Variants in ZFAND3 observed in about 807,000 individuals in gnomAD.
ZFAND3 encodes zinc finger AN1-type containing 3, also known as AN1-type zinc finger protein 3.
ZFAND3 carries 10 observed loss-of-function variants against 29.6 expected under a neutral mutation model. The ratio of observed to expected loss-of-function variants is 0.34; its 90% CI spans 0.21 to 0.57. The LOEUF is 0.57. ZFAND3 is among the 20% of genes least tolerant of loss of function. ZFAND3 has a pLI of 0.86. For missense variants in ZFAND3, 230 were observed against 304.5 expected (o/e 0.76, Z 1.82); for synonymous variants, 128 against 112.6 (o/e 1.14, Z -0.87).
Position 37,959,844 on chromosome 6 carries a change from C to T in ZFAND3, c.112+29845C>T, listed in dbSNP as rs543981112. ...TTAAACTGCTTTCTTCTTGAGAACA[C>T]TTATCACCTAACCTGGGCCCATGAA... On this transcript the variant is annotated intron_variant, in intron 2 of 5. Coordinates refer to ENST00000287218, the MANE Select transcript of ZFAND3 (RefSeq NM_021943.3). Among the ~76,000 whole-genome samples the T allele has an allele frequency of 4.6e-5, 7 of 152,318 alleles. No homozygotes were observed. The South Asian group carries it at 1.4e-3, about 32-fold the overall frequency.
At chr6:38,070,426 A>AG (rs55807305) in intron 3 of ZFAND3, among the ~76,000 whole-genome samples, 55,140 of 151,004 alleles carry the variant, frequency 0.37, 10,729 homozygotes, top group East Asian at 0.57. Context: ...AAAAAAAAAA[A>AG]AAAGATTTTA....
chr6:38,151,133 G>A (rs1001280588), intron 5 of ZFAND3, among the ~76,000 whole-genome samples: 13 of 152,196 alleles, frequency 8.5e-5, no homozygotes, highest in Non-Finnish European at 1.9e-4. Flanking sequence ...GAAGCTGGAG[G>A]GAATGGGAGA....
At chr6:38,041,517 A>G (rs1362489781) in intron 2 of ZFAND3, among the ~76,000 whole-genome samples, 16 of 151,340 alleles carry the variant, frequency 1.1e-4, no homozygotes, top group Admixed American at 1.1e-3. Context: ...ATCCATTACT[A>G]ATTTCTATTG....
intron 2 of ZFAND3, among the ~76,000 whole-genome samples, chr6:37,993,655 T>C (rs1301153712): frequency 6.6e-6 from 1 of 152,160 alleles, no homozygotes; most frequent in Non-Finnish European, 1.5e-5. Context: ...ACTGTTTTTC[T>C]CCAAATTATT....
intron 1 of ZFAND3, chr6:37,915,603 C>A (rs1761233035): frequency 6.6e-6 from 1 of 152,170 alleles, no homozygotes; most frequent in Non-Finnish European, 1.5e-5. Flanking sequence ...TCAGAACACA[C>A]ATAACATTTA....
chr6:37,935,804 A>G (rs1029066507), intron 2 of ZFAND3, among the ~76,000 whole-genome samples: 4 of 152,150 alleles, frequency 2.6e-5, no homozygotes, highest in African/African-American at 4.8e-5. Context: ...TCTTCAGGCA[A>G]GAGGTTAATA....
chr6:37,899,350 C>A (rs1765277285), intron 1 of ZFAND3, among the ~76,000 whole-genome samples: 1 of 152,144 alleles, frequency 6.6e-6, no homozygotes, highest in South Asian at 2.1e-4. Flanking sequence ...TACCTTCTTA[C>A]TTTTTTCCTG....
chr6:37,844,457 A>G (rs570888752), intron 1 of ZFAND3, among the ~76,000 whole-genome samples: 2 of 149,892 alleles, frequency 1.3e-5, no homozygotes, highest in Admixed American at 6.6e-5. Flanking sequence ...AATTTTTTGT[A>G]TTCTTAGTAG....
At chr6:38,041,631 T>TTTCTTCTTCTTC (rs1193585476) in intron 2 of ZFAND3, among the ~76,000 whole-genome samples, 30 of 56,248 alleles carry the variant, frequency 5.3e-4, no homozygotes, top group Non-Finnish European at 7.4e-4. Context: ...TTATCTACTT[T>TTTCTTCTTCTTC]TTCTTCTTCT....
chr6:38,114,834 A>G (rs9470782), intron 4 of ZFAND3, among the ~76,000 whole-genome samples: 18,039 of 152,256 alleles, frequency 0.12, 1,324 homozygotes, highest in East Asian at 0.29. Context: ...TCATTCATTC[A>G]AAAAATATTT....
intron 2 of ZFAND3, among the ~76,000 whole-genome samples, chr6:37,944,659 C>T (rs575081616): frequency 2.6e-5 from 4 of 152,302 alleles, no homozygotes; most frequent in African/African-American, 9.6e-5. Flanking sequence ...AAAGGTGCTT[C>T]ATATAACTTG....
intron 5 of ZFAND3, among the ~76,000 whole-genome samples, chr6:38,127,770 T>TA (rs2127489900): frequency 6.6e-6 from 1 of 152,196 alleles, no homozygotes; most frequent in African/African-American, 2.4e-5. Context: ...ACCTGTGTGC[T>TA]AAATAGTGGT....
chr6:38,094,075 A>T (rs1321799435), intron 4 of ZFAND3, among the ~76,000 whole-genome samples: 1 of 152,204 alleles, frequency 6.6e-6, no homozygotes, highest in African/African-American at 2.4e-5. Flanking sequence ...AAATGAGTAG[A>T]TAGTTAGCTG....
At chr6:37,860,499 C>A (rs140226000) in intron 1 of ZFAND3, among the ~76,000 whole-genome samples, 188 of 152,238 alleles carry the variant, frequency 1.2e-3, no homozygotes, top group Middle Eastern at 3.4e-3. Flanking sequence ...CTGAGAATAT[C>A]TGTCAAATTT....
chr6:38,125,122 G>A (rs921218730), intron 5 of ZFAND3, among the ~76,000 whole-genome samples: 7 of 152,270 alleles, frequency 4.6e-5, no homozygotes, highest in Non-Finnish European at 7.4e-5. Flanking sequence ...GAAATCTTGA[G>A]GCAAATTCTG....
At chr6:37,871,184 C>T (rs945458402) in intron 1 of ZFAND3, among the ~76,000 whole-genome samples, 1 of 152,134 alleles carries the variant, frequency 6.6e-6, no homozygotes, top group African/African-American at 2.4e-5. Flanking sequence ...TTTTTTCCCT[C>T]TGTGTTGTTC....
At chr6:38,014,334 T>TATTA (rs560480123) in intron 2 of ZFAND3, among the ~76,000 whole-genome samples, 1 of 148,412 alleles carries the variant, frequency 6.7e-6, no homozygotes, top group Non-Finnish European at 1.5e-5. Flanking sequence ...ATTATTATTT[T>TATTA]TTTTTTTTTG....
chr6:37,888,941 G>T (rs1054740876), intron 1 of ZFAND3, among the ~76,000 whole-genome samples: 2 of 152,184 alleles, frequency 1.3e-5, no homozygotes, highest in African/African-American at 2.4e-5. Flanking sequence ...TTTGCTCTCT[G>T]TTCCTGTATT....
intron 1 of ZFAND3, among the ~76,000 whole-genome samples, chr6:37,820,232 C>T (rs929868045): frequency 4.6e-5 from 7 of 152,052 alleles, no homozygotes; most frequent in South Asian, 2.1e-4. Flanking sequence ...CGTTGCTACC[C>T]TTTGGGACTC....
Sources: allele counts gnomAD v4.1 joint callset (sites outside exome capture counted in the v4.1 genomes callset), GRCh38; gene constraint gnomAD v4.1.1; transcripts MANE v1.5; gene names NCBI Gene and HGNC (gene_info 2026-07-23, HGNC 2026-07-21).